JAKMIP2: variants seen among roughly 807,000 people sequenced by gnomAD.
JAKMIP2 encodes the protein janus kinase and microtubule interacting protein 2.
JAKMIP2 carries 25 observed loss-of-function variants against 115.0 expected under a neutral mutation model. That is an observed-to-expected ratio of 0.22 (90% CI 0.16 to 0.30). The LOEUF is 0.30. JAKMIP2 is among the 10% of genes least tolerant of loss of function. JAKMIP2 has a pLI of 1.00. For synonymous variants in JAKMIP2, 334 were observed against 343.6 expected (o/e 0.97, Z 0.31); for missense variants, 642 against 957.6 (o/e 0.67, Z 4.35).
intron 1 of JAKMIP2, among the ~76,000 whole-genome samples, chr5:147,763,876 T>G (rs1755019169): frequency 6.6e-6 from 1 of 152,094 alleles, no homozygotes; most frequent in Non-Finnish European, 1.5e-5. Context: ...AAAATTTACC[T>G]CAATTATGTT....
Position 147,761,154 on chromosome 5 carries a change from G to C in JAKMIP2, c.-149+21302C>G, listed in dbSNP as rs1369141323. ...ATTCTCAAAAATGCTTCTAAATCAA[G>C]GTGTTCCCAGCAGTTGTACAAGAAA... is the stretch of plus-strand genomic sequence containing the variant. On this transcript the variant is annotated intron_variant, in intron 1 of 21. Coordinates refer to ENST00000616793, the MANE Select transcript of JAKMIP2 (RefSeq NM_001270941.2). Among the ~76,000 whole-genome samples, 3 of 152,106 alleles carry C rather than the reference G, an allele frequency of 2.0e-5. No individual in the cohort carries two copies. In the South Asian group the frequency reaches 6.2e-4, roughly 32 times the overall value.
At chr5:147,644,280 GT>G (rs1758020955) in intron 6 of JAKMIP2, 82 bp from the exon 7 acceptor site, 2 of 1,317,800 alleles carry the variant, frequency 1.5e-6, no homozygotes, top group Non-Finnish European at 2.0e-6. Flanking sequence ...TCTGTAGAAA[GT>G]TTATGAGGCT....
In JAKMIP2 at chr5:147,705,755, A is replaced by G. The variant is rs535504563; in HGVS notation, c.-148-33801T>C. Among the ~76,000 whole-genome samples, 24 of 152,326 alleles carry G rather than the reference A, an allele frequency of 1.6e-4. No homozygotes were observed. The South Asian group carries it at 5.0e-3, about 32-fold the overall frequency. On this transcript the variant is annotated intron_variant, in intron 1 of 21. Transcript: ENST00000616793. ...GACTGGTTATGCAGTTTGTCATAAA[A>G]CATTGAAAGAAAGCAAAGCCTTCAT...
At chr5:147,744,492 A>G (rs1221155402) in intron 1 of JAKMIP2, among the ~76,000 whole-genome samples, 2 of 152,216 alleles carry the variant, frequency 1.3e-5, no homozygotes, top group African/African-American at 4.8e-5. Flanking sequence ...ATAAAAATCC[A>G]AAAGAATTCT....
At position 147,721,223 on chromosome 5, in the gene JAKMIP2, C is replaced by T. The variant is rs1224256124; in HGVS notation, c.-148-49269G>A. Among the ~76,000 whole-genome samples, 181 of 151,424 alleles carry T rather than the reference C, an allele frequency of 1.2e-3. 1 individual carries two copies. Among genetic ancestry groups the T allele is most frequent in the African/African-American group, 4.2e-3 (172 of 41,138 alleles). ...CTGCCCGTTCTCAGATCTCCAGCTG[C>T]GTGCTGGGAGAACCACTGCTCTCTT... On this transcript the variant is annotated intron_variant, in intron 1 of 21. Coordinates refer to ENST00000616793, the MANE Select transcript of JAKMIP2 (RefSeq NM_001270941.2).
intron 4 of JAKMIP2, among the ~76,000 whole-genome samples, chr5:147,649,411 G>C (rs1266018093): frequency 6.6e-6 from 1 of 152,024 alleles, no homozygotes; most frequent in African/African-American, 2.4e-5. Context: ...AGCCATATGA[G>C]GTACTACTAT....
chr5:147,623,590 T>G, intron 17 of JAKMIP2, 31 bp downstream of exon 17: 1 of 1,461,936 alleles, frequency 6.8e-7, no homozygotes, highest in African/African-American at 1.4e-5. Flanking sequence ...AAGTTTTTCT[T>G]AATTTTTACA....
chr5:147,624,914 G>A (rs1279897421), intron 16 of JAKMIP2, among the ~76,000 whole-genome samples: 1 of 152,000 alleles, frequency 6.6e-6, no homozygotes, highest in East Asian at 1.9e-4. Flanking sequence ...AAAACATGAG[G>A]CAGTATCCAT....
intron 4 of JAKMIP2, 84 bp downstream of exon 4, chr5:147,650,253 GA>G: frequency 1.2e-6 from 1 of 860,620 alleles, no homozygotes; most frequent in Middle Eastern, 2.4e-4. Flanking sequence ...TAGTAAACAA[GA>G]AAAGAGCTTA....
chr5:147,614,360 T>G (rs1756472369), intron 19 of JAKMIP2, among the ~76,000 whole-genome samples: 1 of 152,220 alleles, frequency 6.6e-6, no homozygotes, highest in Admixed American at 6.5e-5. Context: ...CCACACATAT[T>G]TTTTTGTCAA....
At chr5:147,742,155 A>ATATATATATATATATATATAT in intron 1 of JAKMIP2, among the ~76,000 whole-genome samples, 11 of 108,908 alleles carry the variant, frequency 1.0e-4, no homozygotes, top group African/African-American at 3.8e-4. Flanking sequence ...ATATATATAT[A>ATATATATATATATATATATAT]TTTTTTTTAC....
chr5:147,696,235 C>G (rs573448945), intron 1 of JAKMIP2, among the ~76,000 whole-genome samples: 1 of 152,200 alleles, frequency 6.6e-6, no homozygotes, highest in South Asian at 2.1e-4. Context: ...GTGTCCCCAG[C>G]CAAAACTCGA....
At chr5:147,740,522 T>G (rs1754103625) in intron 1 of JAKMIP2, among the ~76,000 whole-genome samples, 1 of 152,216 alleles carries the variant, frequency 6.6e-6, no homozygotes, top group African/African-American at 2.4e-5. Context: ...GTAGTTGTGC[T>G]GATGAACCTA....
chr5:147,643,078 C>T (rs991281559), intron 7 of JAKMIP2, among the ~76,000 whole-genome samples: 1 of 152,000 alleles, frequency 6.6e-6, no homozygotes, highest in Non-Finnish European at 1.5e-5. Context: ...ATTGTGGGAC[C>T]TCACCTTGCG....
At chr5:147,628,867 C>A in intron 15 of JAKMIP2, 51 bp from the exon 16 acceptor site, 1 of 1,373,374 alleles carries the variant, frequency 7.3e-7, no homozygotes, top group Non-Finnish European at 1.0e-6. Context: ...ATTATTTACC[C>A]CAAAGAAAAT....
chr5:147,636,455 G>A, intron 11 of JAKMIP2, 171 bp from the exon 12 acceptor site: 1 of 603,860 alleles, frequency 1.7e-6, no homozygotes, highest in Non-Finnish European at 2.9e-6. Flanking sequence ...TGGGGCCAAA[G>A]TTGCCGGGAA....
intron 1 of JAKMIP2, among the ~76,000 whole-genome samples, chr5:147,750,743 G>A (rs1321103145): frequency 6.6e-6 from 1 of 152,126 alleles, no homozygotes; most frequent in Non-Finnish European, 1.5e-5. Context: ...GGTTAAGGAA[G>A]GTCTTGAGAG....
intron 13 of JAKMIP2, among the ~76,000 whole-genome samples, chr5:147,632,064 T>C (rs1471383551): frequency 6.6e-6 from 1 of 152,180 alleles, no homozygotes; most frequent in East Asian, 1.9e-4. Context: ...AGATCCTAAG[T>C]CAGATTCTGC....
chr5:147,766,882 G>A (rs560162540), intron 1 of JAKMIP2, among the ~76,000 whole-genome samples: 1 of 152,114 alleles, frequency 6.6e-6, no homozygotes, highest in East Asian at 1.9e-4. Flanking sequence ...TCTTACCTTG[G>A]GGGTCCACTT....
Sources: allele counts gnomAD v4.1 joint callset (sites outside exome capture counted in the v4.1 genomes callset), GRCh38; gene constraint gnomAD v4.1.1; transcripts MANE v1.5; gene names NCBI Gene and HGNC (gene_info 2026-07-23, HGNC 2026-07-21).